The following XYLT1 variants were observed in gnomAD, a reference collection of about 807,000 sequenced individuals.
XYLT1 encodes the protein xylosyltransferase 1.
A neutral mutation model predicts 91.3 loss-of-function variants in XYLT1; 36 were observed. The ratio of observed to expected loss-of-function variants is 0.39; its 90% CI spans 0.30 to 0.52. The LOEUF (loss-of-function observed/expected upper bound fraction) is 0.52. Ranked by LOEUF, XYLT1 falls within the 20% of genes least tolerant of loss-of-function variation. The pLI, the probability that XYLT1 is intolerant of heterozygous loss-of-function variation, is 0.68. For synonymous variants in XYLT1, 588 were observed against 532.0 expected (o/e 1.11, Z -1.45); for missense variants, 1,242 against 1,284.5 (o/e 0.97, Z 0.51).
chr16:17,455,183 G>A (rs904720238), intron 1 of XYLT1, among the ~76,000 whole-genome samples: 1 of 152,142 alleles, frequency 6.6e-6, no homozygotes, highest in Admixed American at 6.5e-5. Context: ...CAGAGTGGAC[G>A]TGGCCGGGAT....
At chr16:17,193,115 C>G (rs2032356391) in intron 5 of XYLT1, 1 of 152,106 alleles carries the variant, frequency 6.6e-6, no homozygotes, top group African/African-American at 2.4e-5. Context: ...GCTTGGCCCA[C>G]TTTTCCCTCT....
intron 1 of XYLT1, among the ~76,000 whole-genome samples, chr16:17,434,027 A>AT (rs1207422625): frequency 6.6e-6 from 1 of 152,152 alleles, no homozygotes; most frequent in Non-Finnish European, 1.5e-5. Flanking sequence ...TCGGGCATGT[A>AT]TTTATGGGAC....
chr16:17,186,990 G>T (rs982097271), intron 5 of XYLT1, among the ~76,000 whole-genome samples: 10 of 152,138 alleles, frequency 6.6e-5, no homozygotes, highest in Non-Finnish European at 1.0e-4. Flanking sequence ...GGGCACACAG[G>T]CTTCCAGCTG....
chr16:17,285,874 CTGTGTGTGTGTGTGTGTGTGTGTGTG>C (rs56267931), intron 2 of XYLT1, among the ~76,000 whole-genome samples: 1 of 145,156 alleles, frequency 6.9e-6, no homozygotes, highest in Non-Finnish European at 1.5e-5. Context: ...TGGTGTATCT[CTGTGTGTGTGTGTGTGTGTGTGTGTG>C]TGTGTGTGTG....
At chr16:17,456,484 T>G (rs562310919) in intron 1 of XYLT1, among the ~76,000 whole-genome samples, 2 of 151,960 alleles carry the variant, frequency 1.3e-5, no homozygotes, top group Non-Finnish European at 2.9e-5. Flanking sequence ...ACTACAGGCA[T>G]GCTACCATGC....
rs1447789013 is a variant in XYLT1, at chr16:17,103,810, A to C, written c.*4885T>G. Reference sequence around the variant, plus strand: ...CTCCCTGCATACGCCTGGTAAGACCAGAGCCAAAGACAACGTGAGGGGTAG... The same window carrying C: ...CTCCCTGCATACGCCTGGTAAGACCCGAGCCAAAGACAACGTGAGGGGTAG... On this transcript the variant is annotated 3_prime_UTR_variant, in exon 12 of 12. Coordinates refer to ENST00000261381, the MANE Select transcript of XYLT1 (RefSeq NM_022166.4). 1.3e-5 allele frequency: 2 copies of C among 152,284 alleles called. No homozygotes were observed. Among genetic ancestry groups the C allele is most frequent in the Non-Finnish European group, 2.9e-5 (2 of 68,112 alleles). The allele number at this position is 152,284 out of a possible 1,614,324, so 9.4% of individuals were successfully genotyped here. A position where few individuals can be genotyped will look rare whatever the true frequency, so the allele number is the denominator to read the frequency against.
intron 5 of XYLT1, among the ~76,000 whole-genome samples, chr16:17,187,410 A>G (rs1055370017): frequency 2.0e-5 from 3 of 149,346 alleles, no homozygotes; most frequent in Non-Finnish European, 3.0e-5. Flanking sequence ...AAAAAAAAAA[A>G]AAAAAAATTA....
At chr16:17,291,952 C>T (rs753600508) in intron 2 of XYLT1, among the ~76,000 whole-genome samples, 3 of 151,822 alleles carry the variant, frequency 2.0e-5, no homozygotes, top group African/African-American at 7.3e-5. Flanking sequence ...TTAGGGAGGC[C>T]GAGACCTGTG....
At chr16:17,409,544 C>T (rs1483366176) in intron 1 of XYLT1, among the ~76,000 whole-genome samples, 1 of 138,148 alleles carries the variant, frequency 7.2e-6, no homozygotes, top group Non-Finnish European at 1.6e-5. Context: ...AGTATTGAGA[C>T]ACTTTTTTTT....
intron 3 of XYLT1, among the ~76,000 whole-genome samples, chr16:17,243,042 C>T (rs548369794): frequency 2.3e-4 from 35 of 152,316 alleles, no homozygotes; most frequent in African/African-American, 7.9e-4. Context: ...TTGCCTCCAC[C>T]TTTTGACTAC....
intron 3 of XYLT1, among the ~76,000 whole-genome samples, chr16:17,217,369 G>C (rs933971330): frequency 1.3e-5 from 2 of 152,088 alleles, no homozygotes; most frequent in Non-Finnish European, 2.9e-5. Flanking sequence ...ACAATATGAA[G>C]TAAAAAAAAA....
At chr16:17,394,638 A>G (rs955547610) in intron 1 of XYLT1, among the ~76,000 whole-genome samples, 1 of 152,182 alleles carries the variant, frequency 6.6e-6, no homozygotes, top group Non-Finnish European at 1.5e-5. Flanking sequence ...AGAAAACAAC[A>G]GAGGAGGGTG....
chr16:17,135,168 C>G (rs1000224721), intron 8 of XYLT1, among the ~76,000 whole-genome samples: 5 of 152,140 alleles, frequency 3.3e-5, no homozygotes, highest in African/African-American at 1.2e-4. Flanking sequence ...TTTGGCTTCT[C>G]TTTAAACAGC....
At chr16:17,299,218 C>T (rs536899467) in intron 2 of XYLT1, among the ~76,000 whole-genome samples, 2 of 152,234 alleles carry the variant, frequency 1.3e-5, no homozygotes, top group South Asian at 2.1e-4. Flanking sequence ...GGGAAATGCA[C>T]GTGGTTAACC....
At chr16:17,248,111 CTGAA>C (rs1308585272) in intron 3 of XYLT1, among the ~76,000 whole-genome samples, 3 of 152,136 alleles carry the variant, frequency 2.0e-5, no homozygotes, top group Non-Finnish European at 4.4e-5. Flanking sequence ...TGGGAGGTAA[CTGAA>C]TCATGGGGGT....
intron 1 of XYLT1, among the ~76,000 whole-genome samples, chr16:17,429,072 G>A (rs538305985): frequency 1.6e-4 from 25 of 152,244 alleles, no homozygotes; most frequent in African/African-American, 3.4e-4. Context: ...AGAAGCACCC[G>A]TCTTTGAAAA....
At chr16:17,232,429 GTA>G (rs144659961) in intron 3 of XYLT1, among the ~76,000 whole-genome samples, 26,931 of 120,266 alleles carry the variant, frequency 0.22, 3,478 homozygotes, top group East Asian at 0.47. Context: ...GTGTGTGTGT[GTA>G]TATATATATA....
chr16:17,225,650 C>G (rs1567331134), intron 3 of XYLT1, among the ~76,000 whole-genome samples: 1 of 151,492 alleles, frequency 6.6e-6, no homozygotes, highest in Non-Finnish European at 1.5e-5. Context: ...ACTTGTTAGA[C>G]AGCGAAATGG....
intron 2 of XYLT1, among the ~76,000 whole-genome samples, chr16:17,343,454 C>T (rs1247790068): frequency 5.9e-5 from 9 of 151,926 alleles, no homozygotes; most frequent in Admixed American, 1.3e-4. Flanking sequence ...GTTGTGCTGG[C>T]GTTTTAGTTT....
Sources: gnomAD v4.1 joint callset for allele counts (sites outside exome capture counted in the v4.1 genomes callset) on GRCh38, gnomAD v4.1.1 for gene constraint, MANE v1.5 for transcripts, NCBI Gene and HGNC (gene_info 2026-07-23, HGNC 2026-07-21) for gene names.